KANSL1L: variants seen among roughly 807,000 people sequenced by gnomAD.
The protein encoded by KANSL1L is KAT8 regulatory NSL complex subunit 1 like.
KANSL1L carries 25 observed loss-of-function variants against 108.6 expected under a neutral mutation model. The observed-to-expected ratio is 0.23, with a 90% confidence interval of 0.17 to 0.32. KANSL1L has a LOEUF of 0.32. Ranked by LOEUF, KANSL1L falls within the 10% of genes least tolerant of loss-of-function variation. KANSL1L has a pLI of 1.00. For missense variants in KANSL1L, 1,137 were observed against 1,125.7 expected (o/e 1.01, Z -0.14); for synonymous variants, 405 against 395.1 (o/e 1.03, Z -0.30).
chr2:210,166,256 A>T (rs1687955319), intron 1 of KANSL1L, among the ~76,000 whole-genome samples: 1 of 152,126 alleles, frequency 6.6e-6, no homozygotes, highest in Non-Finnish European at 1.5e-5. Flanking sequence ...GGACATCATG[A>T]AATACAGTAA....
intron 6 of KANSL1L, among the ~76,000 whole-genome samples, chr2:210,052,892 G>A (rs2094309079): frequency 6.6e-6 from 1 of 152,188 alleles, no homozygotes. Context: ...CTCTGCTATT[G>A]TACATGAGGC....
rs1213679705 is a variant in KANSL1L, at chr2:210,154,036, C to T, written c.547G>A (p.Val183Ile). 8 of 1,613,822 alleles carry T rather than the reference C, an allele frequency of 5.0e-6. No homozygotes were observed. In the East Asian group the frequency reaches 6.7e-5, roughly 13 times the overall value. The change falls in exon 2 of 15, where the codon GTT (valine) becomes ATT (isoleucine). Residue 183 changes from valine (V) to isoleucine (I), a missense_variant. Val to Ile is a conservative substitution (Grantham distance 29, BLOSUM62 3). Around this residue, in one of 3 missense-constraint regions of KANSL1L, gnomAD observed 556 missense variants for 537.7 expected, o/e 1.03. Coordinates refer to ENST00000281772, the MANE Select transcript of KANSL1L (RefSeq NM_152519.4). ...CCCTTTTTAATCTCAGCATCAGTAA[C>T]TTTATCCAAAAGTGCATTCTCTTGA... is the stretch of plus-strand genomic sequence containing the variant. ...WYQENALLDK[V>I]TDAEIKKGLL...
intron 8 of KANSL1L, among the ~76,000 whole-genome samples, chr2:210,033,896 C>T (rs967042351): frequency 2.6e-5 from 4 of 152,000 alleles, no homozygotes; most frequent in Non-Finnish European, 5.9e-5. Context: ...TATTTTCCTT[C>T]TAATTCGTTA....
intron 1 of KANSL1L, among the ~76,000 whole-genome samples, chr2:210,162,664 T>C (rs1008195851): frequency 2.0e-5 from 3 of 151,814 alleles, no homozygotes; most frequent in Admixed American, 1.3e-4. Flanking sequence ...TACTCACATT[T>C]ACTTGAGCAA....
chr2:210,042,127 AC>A (rs1170069144), intron 7 of KANSL1L, among the ~76,000 whole-genome samples: 1 of 152,190 alleles, frequency 6.6e-6, no homozygotes, highest in African/African-American at 2.4e-5. Context: ...ACATGATCTA[AC>A]AAGAAAAGGT....
At chr2:210,047,405 T>C (rs941964991) in intron 6 of KANSL1L, among the ~76,000 whole-genome samples, 1 of 152,210 alleles carries the variant, frequency 6.6e-6, no homozygotes, top group African/African-American at 2.4e-5. Flanking sequence ...ACCAATTTCA[T>C]TGCTTGCAAT....
chr2:210,147,472 A>G (rs565238333), intron 2 of KANSL1L, among the ~76,000 whole-genome samples: 12 of 152,208 alleles, frequency 7.9e-5, no homozygotes, highest in Non-Finnish European at 1.5e-4. Context: ...AAATAAAAAT[A>G]AAATATTTCT....
At chr2:210,149,335 A>G (rs557170993) in intron 2 of KANSL1L, among the ~76,000 whole-genome samples, 3 of 152,188 alleles carry the variant, frequency 2.0e-5, no homozygotes, top group African/African-American at 7.2e-5. Context: ...ACTAATACTC[A>G]TGTTGCTTAA....
At chr2:210,074,296 C>G (rs2094527496) in intron 6 of KANSL1L, among the ~76,000 whole-genome samples, 1 of 152,114 alleles carries the variant, frequency 6.6e-6, no homozygotes, top group African/African-American at 2.4e-5. Flanking sequence ...CAAAACCCAT[C>G]TTTTCTATAT....
chr2:210,128,980 G>A, intron 3 of KANSL1L, 51 bp downstream of exon 3: 1 of 1,439,712 alleles, frequency 6.9e-7, no homozygotes, highest in Non-Finnish European at 9.6e-7. Flanking sequence ...GAGAAGGAAT[G>A]AAAACATTAA....
chr2:210,129,004 A>C (rs1490193420), intron 3 of KANSL1L, 27 bp downstream of exon 3: 2 of 1,572,894 alleles, frequency 1.3e-6, no homozygotes, highest in Non-Finnish European at 1.7e-6. Flanking sequence ...TTTTTAACAA[A>C]AGTAGAAGAA....
At chr2:210,086,638 C>T (rs1376928262) in intron 5 of KANSL1L, among the ~76,000 whole-genome samples, 1 of 151,932 alleles carries the variant, frequency 6.6e-6, no homozygotes, top group Non-Finnish European at 1.5e-5. Context: ...ACTGTGAGGA[C>T]AGATCATTAC....
chr2:210,045,680 T>A (rs909508425), intron 6 of KANSL1L, among the ~76,000 whole-genome samples: 1 of 152,230 alleles, frequency 6.6e-6, no homozygotes, highest in African/African-American at 2.4e-5. Context: ...CTGAAACATT[T>A]GCATCTTACC....
intron 5 of KANSL1L, among the ~76,000 whole-genome samples, chr2:210,089,392 C>T (rs1268930204): frequency 6.6e-6 from 1 of 152,056 alleles, no homozygotes. Flanking sequence ...TAAAGATATA[C>T]ATATTAGGTT....
chr2:210,131,061 G>C (rs1224812769), intron 2 of KANSL1L, among the ~76,000 whole-genome samples: 5 of 152,152 alleles, frequency 3.3e-5, no homozygotes, highest in African/African-American at 4.8e-5. Flanking sequence ...CAAATGCGCT[G>C]TAAGCAAAAG....
intron 3 of KANSL1L, among the ~76,000 whole-genome samples, chr2:210,113,586 A>G (rs1174800461): frequency 6.6e-6 from 1 of 152,124 alleles, no homozygotes; most frequent in Non-Finnish European, 1.5e-5. Context: ...GAATAAACAG[A>G]AACTGTCCCT....
chr2:210,122,078 GA>G (rs2095026586), intron 3 of KANSL1L, among the ~76,000 whole-genome samples: 1 of 151,944 alleles, frequency 6.6e-6, no homozygotes, highest in East Asian at 1.9e-4. Context: ...TGAATTAGAA[GA>G]ATTAATATTG....
At chr2:210,102,203 G>A (rs1424577216) in intron 4 of KANSL1L, among the ~76,000 whole-genome samples, 4 of 152,196 alleles carry the variant, frequency 2.6e-5, no homozygotes, top group African/African-American at 9.7e-5. Context: ...ATAGTTTAAA[G>A]TCAGGTAGCG....
intron 2 of KANSL1L, among the ~76,000 whole-genome samples, chr2:210,130,998 C>T (rs927565170): frequency 6.6e-6 from 1 of 152,168 alleles, no homozygotes; most frequent in Non-Finnish European, 1.5e-5. Context: ...ACGTACCGCC[C>T]TACACTTCCC....
Sources: gnomAD v4.1 joint callset for allele counts (sites outside exome capture counted in the v4.1 genomes callset) on GRCh38, gnomAD v4.1.1 for gene constraint, gnomAD v4.1.1 regional missense constraint, MANE v1.5 for transcripts, NCBI Gene and HGNC (gene_info 2026-07-23, HGNC 2026-07-21) for gene names.